The following PFKP variants were observed in gnomAD, a reference collection of about 807,000 sequenced individuals.
PFKP encodes phosphofructokinase, platelet.
A neutral mutation model predicts 94.3 loss-of-function variants in PFKP; 101 were observed. The observed-to-expected ratio is 1.07, with a 90% confidence interval of 0.91 to 1.26. The LOEUF is 1.26. Ranked by LOEUF, PFKP falls within the 50% of genes most tolerant of loss-of-function variation. The pLI is 0.00. For synonymous variants in PFKP, 573 were observed against 432.6 expected (o/e 1.32, Z -4.03); for missense variants, 1,145 against 1,103.3 (o/e 1.04, Z -0.53).
intron 8 of PFKP, chr10:3,108,110 G>T: frequency 1.1e-6 from 1 of 942,434 alleles, no homozygotes; most frequent in African/African-American, 1.7e-5. Context: ...TCCAGGCAAA[G>T]ATTTTATTTC....
chr10:3,129,570 C>T (rs1838319302), intron 16 of PFKP: 2 of 503,044 alleles, frequency 4.0e-6, no homozygotes, highest in South Asian at 2.5e-5. Context: ...GGCAGATGGC[C>T]AGGCCCCCAA....
intron 20 of PFKP, among the ~76,000 whole-genome samples, chr10:3,135,323 G>A (rs993144778): frequency 6.6e-6 from 1 of 152,200 alleles, no homozygotes; most frequent in Non-Finnish European, 1.5e-5. Context: ...GTTTCAATGG[G>A]TTTGTCTTTT....
intron 16 of PFKP, among the ~76,000 whole-genome samples, chr10:3,127,570 C>T (rs911896987): frequency 2.6e-5 from 4 of 152,172 alleles, no homozygotes; most frequent in African/African-American, 9.7e-5. Context: ...AGTCTTAAAG[C>T]CTTACAGCGT....
At chr10:3,107,556 A>AGG (rs1017253834) in intron 8 of PFKP, among the ~76,000 whole-genome samples, 2 of 152,170 alleles carry the variant, frequency 1.3e-5, no homozygotes, top group Admixed American at 6.5e-5. Flanking sequence ...CAGCAGACAG[A>AGG]GGGGGTCAGC....
At position 3,113,429 on chromosome 10, in the gene PFKP, G is replaced by A; in HGVS notation, c.1282G>A (p.Ala428Thr). ...GGCACCCGCGGCTGGGATGAACGCA[G>A]CCGTACGCTCAGCTGTGCGCGTGGG... is the stretch of plus-strand genomic sequence containing the variant. Reference protein sequence around the residue: ...VGAPAAGMNAAVRSAVRVGIA... With the variant: ...VGAPAAGMNATVRSAVRVGIA... Residue 428 changes from alanine (A) to threonine (T), a missense_variant, in exon 13 of 22, where the codon GCC becomes ACC. By Grantham distance (58) the Ala-to-Thr change is moderately conservative. Coordinates refer to ENST00000381125, the MANE Select transcript of PFKP (RefSeq NM_002627.5). 4 of 1,608,926 alleles carry A rather than the reference G, an allele frequency of 2.5e-6. No individual in the cohort carries two copies. Among genetic ancestry groups the A allele is most frequent in the Non-Finnish European group, 3.4e-6 (4 of 1,177,322 alleles).
intron 10 of PFKP, among the ~76,000 whole-genome samples, chr10:3,110,780 ATATT>A (rs773321258): frequency 6.6e-6 from 1 of 151,962 alleles, no homozygotes; most frequent in Non-Finnish European, 1.5e-5. Flanking sequence ...GTTTATGCAT[ATATT>A]TATGCATGTG....
rs1443453258 is a variant in PFKP, at chr10:3,136,692, C to T, written c.*113C>T. On this transcript the variant is annotated 3_prime_UTR_variant, in exon 22 of 22. Transcript: ENST00000381125. Reference sequence around the variant, plus strand: ...ATTATTGACATTAATACCTAATCGGCGAGTGCCCATCTGCCCCACCTGCTC... The same window carrying T: ...ATTATTGACATTAATACCTAATCGGTGAGTGCCCATCTGCCCCACCTGCTC... 8.7e-5 allele frequency: 101 copies of T among 1,161,874 alleles called. No homozygotes were observed. The highest frequency in any genetic ancestry group is 2.6e-4 in the Middle Eastern group (1 of 3,882). 72.0% of individuals were successfully genotyped at this position (1,161,874 alleles called of 1,614,324 possible).
At chr10:3,127,043 G>A (rs918304440) in intron 16 of PFKP, among the ~76,000 whole-genome samples, 5 of 152,282 alleles carry the variant, frequency 3.3e-5, no homozygotes, top group Non-Finnish European at 5.9e-5. Context: ...ACTGCAGGCA[G>A]GCAGGGCCGC....
Position 3,136,718 on chromosome 10 carries a change from C to G in PFKP, c.*139C>G. On this transcript the variant is annotated 3_prime_UTR_variant, in exon 22 of 22. Transcript: ENST00000381125. ...GAGTGCCCATCTGCCCCACCTGCTCCAGTGCGTGCTGTCTGTGGAGTGTGT... is the reference window on the plus strand; with the variant it reads ...GAGTGCCCATCTGCCCCACCTGCTCGAGTGCGTGCTGTCTGTGGAGTGTGT... 1.3e-6 allele frequency: 1 copy of G among 766,120 alleles called. No homozygotes were observed. The allele number at this position is 766,120 out of a possible 1,614,324, so 47.5% of individuals were successfully genotyped here.
chr10:3,132,454 G>A lies in PFKP; in HGVS notation c.1910+13G>A. 4 of 1,586,646 alleles carry A rather than the reference G, an allele frequency of 2.5e-6. No individual in the cohort carries two copies. In the South Asian group the frequency reaches 4.4e-5, roughly 18 times the overall value. On this transcript the variant is annotated intron_variant, in intron 18 of 21. Transcript: ENST00000381125. ...GCCTTGTGCTCAGGTGAGAGAGAGA[G>A]ACCAGGGGCTGATCTTACCCTCACC...
intron 1 of PFKP, among the ~76,000 whole-genome samples, chr10:3,074,528 G>A (rs112918936): frequency 0.02 from 2,984 of 152,286 alleles, 85 homozygotes; most frequent in African/African-American, 0.068. Context: ...GGTATCACAA[G>A]GAGCAGGCCA....
chr10:3,109,525 G>A (rs1482474243), intron 10 of PFKP, 45 bp downstream of exon 10: 16 of 1,586,782 alleles, frequency 1.0e-5, no homozygotes, highest in Admixed American at 1.7e-5. Flanking sequence ...AGACGGCTGG[G>A]ACAGAAGCTG....
At chr10:3,109,828 G>A (rs1193414890) in intron 10 of PFKP, among the ~76,000 whole-genome samples, 2 of 151,828 alleles carry the variant, frequency 1.3e-5, no homozygotes, top group East Asian at 1.9e-4. Context: ...GTGCAGGGAG[G>A]CAGCCGAGAG....
intron 1 of PFKP, among the ~76,000 whole-genome samples, chr10:3,069,940 T>C (rs1173417838): frequency 1.3e-5 from 2 of 152,214 alleles, no homozygotes; most frequent in Non-Finnish European, 2.9e-5. Flanking sequence ...AGTCCACGCC[T>C]CTTCTTTTCT....
intron 16 of PFKP, among the ~76,000 whole-genome samples, chr10:3,127,769 TCTACACA>T: frequency 6.6e-6 from 1 of 152,192 alleles, no homozygotes; most frequent in Non-Finnish European, 1.5e-5. Flanking sequence ...CATCTCGGCT[TCTACACA>T]ATGCAAAGTG....
At chr10:3,116,935 G>A (rs1836891837) in intron 14 of PFKP, 89 bp downstream of exon 14, 2 of 1,042,242 alleles carry the variant, frequency 1.9e-6, no homozygotes, top group Admixed American at 3.4e-5. Context: ...GCCGACGCCA[G>A]TTGGATTCCT....
At chr10:3,116,131 C>T (rs1216168566) in intron 13 of PFKP, among the ~76,000 whole-genome samples, 2 of 134,228 alleles carry the variant, frequency 1.5e-5, no homozygotes, top group African/African-American at 6.0e-5. Flanking sequence ...ATGGTTCTGT[C>T]AAATATATAT....
chr10:3,098,364 G>A (rs1410473861), intron 2 of PFKP, among the ~76,000 whole-genome samples: 1 of 151,962 alleles, frequency 6.6e-6, no homozygotes, highest in African/African-American at 2.4e-5. Flanking sequence ...AAAAAGATGG[G>A]GATGCATTTA....
At chr10:3,117,041 C>T (rs1739055431) in intron 14 of PFKP, among the ~76,000 whole-genome samples, 195 bp downstream of exon 14, 1 of 152,164 alleles carries the variant, frequency 6.6e-6, no homozygotes, top group African/African-American at 2.4e-5. Context: ...TGTCCCAGGG[C>T]GTAAGAGAGA....
Sources: allele counts gnomAD v4.1 joint callset (sites outside exome capture counted in the v4.1 genomes callset), GRCh38; gene constraint gnomAD v4.1.1; transcripts MANE v1.5; gene names NCBI Gene and HGNC (gene_info 2026-07-23, HGNC 2026-07-21).